TSPAN12: variants seen among roughly 807,000 people sequenced by gnomAD.
The protein encoded by TSPAN12 is tetraspanin-12.
Under a neutral mutation model 39.2 loss-of-function variants are expected in TSPAN12, and 19 were observed. That is an observed-to-expected ratio of 0.49 (90% CI 0.34 to 0.71). The LOEUF (loss-of-function observed/expected upper bound fraction) is 0.71. TSPAN12 is among the 30% of genes least tolerant of loss of function. The pLI, the probability that TSPAN12 is intolerant of heterozygous loss-of-function variation, is 0.01. For synonymous variants in TSPAN12, 119 were observed against 124.8 expected (o/e 0.95, Z 0.31); for missense variants, 314 against 359.9 (o/e 0.87, Z 1.03).
chr7:120,814,337 G>A (rs777279678), intron 5 of TSPAN12: 32 of 450,736 alleles, frequency 7.1e-5, no homozygotes, highest in Non-Finnish European at 9.8e-5. Flanking sequence ...TGTCACAGAT[G>A]CAAATGCCCA....
chr7:120,853,107 T>A (rs1794800377), intron 2 of TSPAN12, among the ~76,000 whole-genome samples: 2 of 151,100 alleles, frequency 1.3e-5, no homozygotes, highest in East Asian at 1.9e-4. Flanking sequence ...TTTTTTTTTT[T>A]AATTTGAGAC....
At chr7:120,836,555 G>A (rs761883847) in intron 4 of TSPAN12, among the ~76,000 whole-genome samples, 3 of 152,178 alleles carry the variant, frequency 2.0e-5, no homozygotes, top group Non-Finnish European at 2.9e-5. Flanking sequence ...AACCCTTCGG[G>A]CTGAGCTCAG....
intron 5 of TSPAN12, among the ~76,000 whole-genome samples, chr7:120,812,346 T>A (rs1793998260): frequency 6.6e-6 from 1 of 152,154 alleles, no homozygotes; most frequent in Non-Finnish European, 1.5e-5. Context: ...TCTGGGAAAC[T>A]GGATGGACAT....
intron 6 of TSPAN12, 80 bp from the exon 7 acceptor site, chr7:120,806,772 T>A (rs1405529608): frequency 2.5e-6 from 4 of 1,576,996 alleles, no homozygotes; most frequent in African/African-American, 2.7e-5. Context: ...ATCAGTTTTT[T>A]AAAATTTTTG....
At chr7:120,841,584 G>C (rs1300676425) in intron 2 of TSPAN12, among the ~76,000 whole-genome samples, 1 of 151,752 alleles carries the variant, frequency 6.6e-6, no homozygotes, top group South Asian at 2.1e-4. Context: ...CTGAATGAAT[G>C]TTTGGAAATA....
chr7:120,826,390 G>T (rs1007543057), intron 4 of TSPAN12, among the ~76,000 whole-genome samples: 15 of 152,144 alleles, frequency 9.9e-5, no homozygotes, highest in African/African-American at 2.9e-4. Context: ...CATGTACATG[G>T]TGTCTATTGC....
At chr7:120,827,703 T>C (rs1794315414) in intron 4 of TSPAN12, among the ~76,000 whole-genome samples, 1 of 152,210 alleles carries the variant, frequency 6.6e-6, no homozygotes, top group South Asian at 2.1e-4. Context: ...AATGATGACG[T>C]GAGGAAAGCA....
intron 2 of TSPAN12, among the ~76,000 whole-genome samples, chr7:120,851,533 A>G (rs931830693): frequency 6.6e-6 from 1 of 152,134 alleles, no homozygotes; most frequent in Non-Finnish European, 1.5e-5. Context: ...CCAATGTCAG[A>G]AATTTTCAAG....
In TSPAN12 at chr7:120,810,588, A is replaced by C. The variant is rs772411433; in HGVS notation, c.361-18T>G. 6 of 1,417,994 alleles carry C rather than the reference A, an allele frequency of 4.2e-6. 1 individual carries two copies. The South Asian group carries it at 6.9e-5, about 16-fold the overall frequency. 87.8% of individuals were successfully genotyped at this position (1,417,994 alleles called of 1,614,324 possible). A position where few individuals can be genotyped will look rare whatever the true frequency, so the allele number is the denominator to read the frequency against. Reference sequence around the variant, plus strand: ...ACTGGAACCTGGTGATAAAAAGCAAAATATCAACAGCTGTAGCTCACACAC... The same window carrying C: ...ACTGGAACCTGGTGATAAAAAGCAACATATCAACAGCTGTAGCTCACACAC... On this transcript the variant is annotated intron_variant, in intron 5 of 7. Transcript: ENST00000222747.
chr7:120,843,074 A>G (rs537523893), intron 2 of TSPAN12, among the ~76,000 whole-genome samples: 18 of 152,276 alleles, frequency 1.2e-4, no homozygotes, highest in Middle Eastern at 6.8e-3. Flanking sequence ...TCTGAAAATT[A>G]TAAGACTGTC....
intron 7 of TSPAN12, among the ~76,000 whole-genome samples, chr7:120,798,539 A>T (rs915627237): frequency 6.6e-6 from 1 of 152,214 alleles, no homozygotes; most frequent in African/African-American, 2.4e-5. Flanking sequence ...ACAAAGTTTC[A>T]TTATTAAAAA....
At position 120,815,786 on chromosome 7, in the gene TSPAN12, A is replaced by T; in HGVS notation, c.303T>A (p.Leu101=). Residue 101 remains leucine, a synonymous_variant, in exon 5 of 8, where the codon CTT becomes CTA. Coordinates refer to ENST00000222747, the MANE Select transcript of TSPAN12 (RefSeq NM_012338.4). ...AAGCCAGTTCTACACAGAAAATGAC[A>T]AGCAAACTTCCAAAGTACTGTAGAA... The part of the protein sequence containing the change: ...LLLAWYFGSL[L]VIFCVELACG... The T allele has an allele frequency of 1.2e-6, 2 of 1,612,930 alleles. No homozygotes were observed. The highest frequency in any genetic ancestry group is 1.7e-6 in the Non-Finnish European group (2 of 1,179,590).
At chr7:120,822,069 T>A (rs974817926) in intron 4 of TSPAN12, among the ~76,000 whole-genome samples, 1 of 152,110 alleles carries the variant, frequency 6.6e-6, no homozygotes, top group Non-Finnish European at 1.5e-5. Context: ...GGTCACAGAA[T>A]GACCAGAATG....
rs774651541 is a variant in TSPAN12 at position 120,810,462 on chromosome 7, C to T, written c.468+1G>A. ...TCTACCTCAGAAATTGTAGCACTTACCTCTCTCTGAAAAAAATTCCAAGCA... is the reference window on the plus strand; with the variant it reads ...TCTACCTCAGAAATTGTAGCACTTATCTCTCTCTGAAAAAAATTCCAAGCA... On this transcript the variant is annotated splice_donor_variant, in intron 6 of 7. Transcript: ENST00000222747. LOFTEE classifies it high-confidence loss of function. 1 of 1,588,598 alleles carries T rather than the reference C, an allele frequency of 6.3e-7. No homozygotes were observed. Among genetic ancestry groups the T allele is most frequent in the South Asian group, 1.1e-5 (1 of 90,536 alleles).
At chr7:120,837,320 T>A (rs1327773607) in intron 4 of TSPAN12, among the ~76,000 whole-genome samples, 3 of 151,300 alleles carry the variant, frequency 2.0e-5, no homozygotes, top group African/African-American at 7.3e-5. Flanking sequence ...TATTTATTTT[T>A]TTTTTTTTTG....
At chr7:120,856,571 G>T in intron 2 of TSPAN12, 127 bp downstream of exon 2, 1 of 981,796 alleles carries the variant, frequency 1.0e-6, no homozygotes. Context: ...TTACTTCTCT[G>T]AAAAATAAAG....
At chr7:120,850,176 A>T (rs1225060422) in intron 2 of TSPAN12, among the ~76,000 whole-genome samples, 1 of 152,204 alleles carries the variant, frequency 6.6e-6, no homozygotes, top group East Asian at 1.9e-4. Context: ...AACATCAATT[A>T]ATTAGAGCTG....
intron 2 of TSPAN12, among the ~76,000 whole-genome samples, chr7:120,847,272 T>C (rs991808620): frequency 6.6e-6 from 1 of 150,884 alleles, no homozygotes; most frequent in Non-Finnish European, 1.5e-5. Flanking sequence ...GAGACTCTCA[T>C]ATACATAACC....
At chr7:120,790,606 AT>A (rs1370653274) in intron 7 of TSPAN12, among the ~76,000 whole-genome samples, 6 of 152,348 alleles carry the variant, frequency 3.9e-5, no homozygotes, top group Non-Finnish European at 8.8e-5. Context: ...GAAGCACAGC[AT>A]TATGTCACCA....
Sources: allele counts gnomAD v4.1 joint callset (sites outside exome capture counted in the v4.1 genomes callset), GRCh38; gene constraint gnomAD v4.1.1; transcripts MANE v1.5; gene names NCBI Gene and HGNC (gene_info 2026-07-23, HGNC 2026-07-21).